DOCK8: variants seen among roughly 807,000 people sequenced by gnomAD.
DOCK8 encodes the protein dedicator of cytokinesis protein 8.
In DOCK8, 141 loss-of-function variants were observed where a neutral mutation model predicts 245.6. The observed-to-expected ratio is 0.57, with a 90% confidence interval of 0.50 to 0.66. DOCK8 has a LOEUF of 0.66. Among genes scored for constraint, DOCK8 ranks in the 30% least tolerant of loss-of-function variants. The probability of loss-of-function intolerance (pLI) is 0.00; values close to 1 mark genes in which losing one functional copy is unlikely to be tolerated. For missense variants in DOCK8, 2,965 were observed against 2,603.4 expected (o/e 1.14, Z -3.02); for synonymous variants, 1,168 against 970.2 (o/e 1.20, Z -3.79).
intron 22 of DOCK8, among the ~76,000 whole-genome samples, chr9:384,698 C>T (rs1301895457): frequency 2.6e-5 from 4 of 152,284 alleles, no homozygotes; most frequent in Admixed American, 6.5e-5. Flanking sequence ...GGGCAGATCA[C>T]GAGGTCAGGA....
At chr9:439,108 G>A in intron 39 of DOCK8, 137 bp from the exon 40 acceptor site, 1 of 1,102,442 alleles carries the variant, frequency 9.1e-7, no homozygotes, top group Non-Finnish European at 1.4e-6. Flanking sequence ...TCTCGGGGTA[G>A]AATTACAGAC....
At chr9:230,316 T>C (rs1377747223) in intron 1 of DOCK8, among the ~76,000 whole-genome samples, 2 of 152,014 alleles carry the variant, frequency 1.3e-5, no homozygotes, top group East Asian at 3.8e-4. Flanking sequence ...GGCATTTGGG[T>C]TGGTTCCAAG....
intron 1 of DOCK8, among the ~76,000 whole-genome samples, chr9:231,680 C>G (rs1483710545): frequency 2.6e-5 from 4 of 152,128 alleles, no homozygotes; most frequent in Non-Finnish European, 1.5e-5. Context: ...GGAGTTCACT[C>G]ATGATTTGGC....
At chr9:246,619 T>C (rs2047511628) in intron 1 of DOCK8, among the ~76,000 whole-genome samples, 1 of 152,200 alleles carries the variant, frequency 6.6e-6, no homozygotes, top group African/African-American at 2.4e-5. Context: ...TAAGGGATTA[T>C]TTCTTTATGG....
intron 15 of DOCK8, chr9:368,460 G>A (rs1011766036): frequency 2.3e-5 from 14 of 604,108 alleles, no homozygotes; most frequent in South Asian, 9.7e-5. Flanking sequence ...GGCTCAACAC[G>A]TGCGCCATGT....
intron 28 of DOCK8, among the ~76,000 whole-genome samples, chr9:408,998 G>T (rs1333045541): frequency 6.6e-6 from 1 of 152,128 alleles, no homozygotes; most frequent in Non-Finnish European, 1.5e-5. Flanking sequence ...TGGGTTGTCA[G>T]TTACTCTCCT....
rs1564016423 is a variant in DOCK8, at chr9:400,927, CACAACA to C, written c.3234+1669_3234+1674del. Among the ~76,000 whole-genome samples the C allele has an allele frequency of 5.4e-4, 66 of 123,274 alleles. 5 individuals carry two copies. Among genetic ancestry groups the C allele is most frequent in the Middle Eastern group, 4.1e-3 (1 of 246 alleles). The allele number at this position is 123,274 out of a possible 152,430, so 80.9% of individuals were successfully genotyped here. On this transcript the variant is annotated intron_variant, in intron 26 of 47. Coordinates refer to ENST00000432829, the MANE Select transcript of DOCK8 (RefSeq NM_203447.4). ...CTACCAACAGCTCCTTCACCATCACCACAACATCCACCACCACCATCACCACCACCA... is the reference window on the plus strand; with the variant it reads ...CTACCAACAGCTCCTTCACCATCACCTCCACCACCACCATCACCACCACCA...
intron 1 of DOCK8, among the ~76,000 whole-genome samples, chr9:217,837 C>T (rs1003211985): frequency 6.6e-6 from 1 of 152,132 alleles, no homozygotes; most frequent in Non-Finnish European, 1.5e-5. Context: ...TACAGCTGCA[C>T]AAGGCCATGT....
At chr9:460,842 A>G (rs1012597411) in intron 46 of DOCK8, among the ~76,000 whole-genome samples, 1 of 152,248 alleles carries the variant, frequency 6.6e-6, no homozygotes, top group African/African-American at 2.4e-5. Context: ...ATTTGATAAC[A>G]ATGTCTGGGT....
chr9:447,358 T>C (rs1188762183), intron 44 of DOCK8, among the ~76,000 whole-genome samples: 4 of 152,240 alleles, frequency 2.6e-5, no homozygotes, highest in African/African-American at 9.6e-5. Context: ...ACTGTGGGTT[T>C]GCTGATCACA....
At chr9:214,102 T>A (rs1011501914), upstream of DOCK8, 2 of 229,678 alleles carry the variant, frequency 8.7e-6, no homozygotes, top group African/African-American at 4.7e-5. Flanking sequence ...ATAGCACAGG[T>A]TAGAGCAGCA....
At chr9:358,614 C>T (rs551900721) in intron 14 of DOCK8, among the ~76,000 whole-genome samples, 4 of 149,452 alleles carry the variant, frequency 2.7e-5, no homozygotes, top group African/African-American at 5.0e-5. Context: ...TTTGGGAGGC[C>T]GAGGTGGGCG....
intron 2 of DOCK8, among the ~76,000 whole-genome samples, chr9:279,503 A>G (rs2048489031): frequency 1.3e-5 from 2 of 152,226 alleles, no homozygotes; most frequent in African/African-American, 2.4e-5. Context: ...TGGTATCTGT[A>G]AAATAGAGGA....
chr9:329,772 T>C (rs1295176107), intron 9 of DOCK8, among the ~76,000 whole-genome samples: 1 of 152,216 alleles, frequency 6.6e-6, no homozygotes, highest in African/African-American at 2.4e-5. Flanking sequence ...TAATCCGTCA[T>C]ATTCTGCCAA....
intron 1 of DOCK8, chr9:267,890 T>A (rs1168864423): frequency 6.6e-6 from 1 of 152,246 alleles, no homozygotes; most frequent in Non-Finnish European, 1.5e-5. Flanking sequence ...ATTATATTTT[T>A]GTTTGTATGA....
chr9:365,015 G>A (rs2052914024), intron 14 of DOCK8, among the ~76,000 whole-genome samples: 1 of 152,136 alleles, frequency 6.6e-6, no homozygotes, highest in African/African-American at 2.4e-5. Flanking sequence ...CACGAAGGAA[G>A]GAATAAGTTT....
intron 14 of DOCK8, 119 bp downstream of exon 14, chr9:340,440 G>A (rs2051528377): frequency 7.8e-7 from 1 of 1,283,518 alleles, no homozygotes; most frequent in Non-Finnish European, 1.1e-6. Context: ...TGGCAACATG[G>A]CAAAACCGTG....
chr9:381,945 G>T (rs2053736096), intron 21 of DOCK8, among the ~76,000 whole-genome samples: 2 of 147,870 alleles, frequency 1.4e-5, no homozygotes, highest in African/African-American at 5.3e-5. Context: ...GGAGGACAAA[G>T]TGAGACCCTG....
chr9:223,391 G>A (rs1021448804), intron 1 of DOCK8, among the ~76,000 whole-genome samples: 2 of 152,138 alleles, frequency 1.3e-5, no homozygotes, highest in African/African-American at 4.8e-5. Flanking sequence ...AGACAAGTGA[G>A]TCATGGGCCT....
Sources: allele counts gnomAD v4.1 joint callset (sites outside exome capture counted in the v4.1 genomes callset), GRCh38; gene constraint gnomAD v4.1.1; transcripts MANE v1.5; gene names NCBI Gene and HGNC (gene_info 2026-07-23, HGNC 2026-07-21).